Variants in HOMER1 observed in about 807,000 individuals in gnomAD.
The protein encoded by HOMER1 is homer protein homolog 1.
HOMER1 carries 3 observed loss-of-function variants against 48.9 expected under a neutral mutation model. That is an observed-to-expected ratio of 0.06 (90% CI 0.03 to 0.16). The LOEUF is 0.16. HOMER1 is among the 10% of genes least tolerant of loss of function. HOMER1 has a pLI of 1.00. For synonymous variants in HOMER1, 134 were observed against 146.4 expected (o/e 0.92, Z 0.61); for missense variants, 247 against 411.4 (o/e 0.60, Z 3.46).
intron 2 of HOMER1, among the ~76,000 whole-genome samples, chr5:79,452,902 A>C (rs192347506): frequency 2.9e-3 from 446 of 152,344 alleles, no homozygotes; most frequent in Non-Finnish European, 4.2e-3. Flanking sequence ...TAACTGCTCT[A>C]ACTTGAATGG....
At chr5:79,436,065 G>T (rs1750573148) in intron 5 of HOMER1, among the ~76,000 whole-genome samples, 1 of 151,220 alleles carries the variant, frequency 6.6e-6, no homozygotes, top group Non-Finnish European at 1.5e-5. Context: ...AGCGGAGCTT[G>T]CAGTGAGCCG....
chr5:79,475,476 G>A (rs926220233), intron 1 of HOMER1, among the ~76,000 whole-genome samples: 1 of 145,804 alleles, frequency 6.9e-6, no homozygotes, highest in African/African-American at 2.6e-5. Flanking sequence ...ATCCAGGTGA[G>A]AAGAACAGCA....
In HOMER1 at chr5:79,503,532, GA is replaced by G. The variant is rs1458637805; in HGVS notation, c.5+9237del. On this transcript the variant is annotated intron_variant, in intron 1 of 8. Transcript: ENST00000334082. ...TGACAGAGTGAGACTCTGTCACAAA[GA>G]GAAAAAAAAAAAAAAAAAAAACAGA... 1.5e-3 allele frequency among the ~76,000 whole-genome samples: 138 copies of G among 94,026 alleles called. 1 individual carries two copies. Among genetic ancestry groups the G allele is most frequent in the Non-Finnish European group, 2.3e-3 (103 of 44,756 alleles). The allele number at this position is 94,026 out of a possible 152,430, so 61.7% of individuals were successfully genotyped here.
At chr5:79,401,053 T>C (rs1037499764) in intron 6 of HOMER1, among the ~76,000 whole-genome samples, 1 of 151,624 alleles carries the variant, frequency 6.6e-6, no homozygotes, top group African/African-American at 2.4e-5. Context: ...GCTTCTGATA[T>C]TAATGGTATT....
intron 2 of HOMER1, among the ~76,000 whole-genome samples, chr5:79,455,452 CCT>C (rs917312835): frequency 2.0e-5 from 3 of 152,158 alleles, no homozygotes; most frequent in Non-Finnish European, 4.4e-5. Flanking sequence ...TGGCATTTCC[CCT>C]GCTTGCTCTC....
intron 8 of HOMER1, among the ~76,000 whole-genome samples, chr5:79,394,940 A>G (rs1405661909): frequency 6.6e-6 from 1 of 152,228 alleles, no homozygotes; most frequent in African/African-American, 2.4e-5. Flanking sequence ...TCTCTTCATA[A>G]GTGAGACAAT....
At chr5:79,427,682 CTT>C in intron 5 of HOMER1, among the ~76,000 whole-genome samples, 1 of 97,092 alleles carries the variant, frequency 1.0e-5, no homozygotes, top group African/African-American at 5.2e-5. Context: ...CCCTTCCTTC[CTT>C]CCCTTCCTTC....
chr5:79,419,583 T>G, intron 5 of HOMER1, among the ~76,000 whole-genome samples: 1 of 151,802 alleles, frequency 6.6e-6, no homozygotes, highest in East Asian at 1.9e-4. Context: ...GAAAACATAC[T>G]AAAGCCTTAG....
chr5:79,479,532 A>G (rs892235547), intron 1 of HOMER1, among the ~76,000 whole-genome samples: 2 of 152,190 alleles, frequency 1.3e-5, no homozygotes, highest in African/African-American at 2.4e-5. Flanking sequence ...GCCATGAACC[A>G]GGAATGCAGT....
chr5:79,507,063 A>C (rs1752793755), intron 1 of HOMER1, among the ~76,000 whole-genome samples: 1 of 151,656 alleles, frequency 6.6e-6, no homozygotes, highest in Non-Finnish European at 1.5e-5. Context: ...AAATGCAAAA[A>C]TTAGCCAGGT....
intron 1 of HOMER1, among the ~76,000 whole-genome samples, chr5:79,462,201 A>AAAAC (rs766716429): frequency 2.6e-4 from 40 of 152,312 alleles, no homozygotes; most frequent in African/African-American, 8.9e-4. Context: ...CTCCATCTCA[A>AAAAC]AAACAAACAA....
chr5:79,491,002 A>T (rs1365582442), intron 1 of HOMER1, among the ~76,000 whole-genome samples: 4 of 148,788 alleles, frequency 2.7e-5, no homozygotes, highest in African/African-American at 9.8e-5. Context: ...AGGAAAAAAA[A>T]TTAAGTGGAT....
At position 79,376,102 on chromosome 5, in the gene HOMER1, A is replaced by G. The variant is rs1748764694; in HGVS notation, c.972T>C (p.Asn324=). ...GAATTTCTAAGAGTGTCTTCAGGTTATTGCGAAAAGCTTCTTGTTCATTCT... is the reference window on the plus strand; with the variant it reads ...GAATTTCTAAGAGTGTCTTCAGGTTGTTGCGAAAAGCTTCTTGTTCATTCT... ...KSQNEQEAFR[N]NLKTLLEILD... The change falls in exon 9 of 9, where the codon AAT becomes AAC. Residue 324 remains asparagine (N), a synonymous_variant. Transcript: ENST00000334082. The G allele has an allele frequency of 6.2e-7, 1 of 1,613,652 alleles. No homozygotes were observed. Among genetic ancestry groups the G allele is most frequent in the Non-Finnish European group, 8.5e-7 (1 of 1,179,688 alleles).
chr5:79,415,383 T>C (rs1749916277), intron 5 of HOMER1, among the ~76,000 whole-genome samples: 1 of 152,168 alleles, frequency 6.6e-6, no homozygotes, highest in South Asian at 2.1e-4. Context: ...ATCACCAATG[T>C]TACTGATAGC....
At chr5:79,467,533 T>C (rs908910442) in intron 1 of HOMER1, among the ~76,000 whole-genome samples, 1 of 152,098 alleles carries the variant, frequency 6.6e-6, no homozygotes, top group African/African-American at 2.4e-5. Context: ...TCAGTCCATA[T>C]AATATCTAAA....
At position 79,481,721 on chromosome 5, in the gene HOMER1, C is replaced by G. The variant is rs566521396; in HGVS notation, c.6-24703G>C. Among the ~76,000 whole-genome samples, 60 of 152,252 alleles carry G rather than the reference C, an allele frequency of 3.9e-4. 1 individual carries two copies. In the South Asian group the frequency reaches 0.012, roughly 31 times the overall value. On this transcript the variant is annotated intron_variant, in intron 1 of 8. Transcript: ENST00000334082. ...GACTCACATAAAACCAGAAACAGTT[C>G]ATGTTCATTCAGCCAGAAGGGAGAG...
intron 5 of HOMER1, among the ~76,000 whole-genome samples, chr5:79,430,123 T>G (rs1347221624): frequency 6.6e-6 from 1 of 151,370 alleles, no homozygotes; most frequent in Non-Finnish European, 1.5e-5. Flanking sequence ...AAAAATCAAT[T>G]ATCTGGTAGG....
At chr5:79,430,589 T>C (rs192860100) in intron 5 of HOMER1, among the ~76,000 whole-genome samples, 3 of 152,334 alleles carry the variant, frequency 2.0e-5, no homozygotes, top group Admixed American at 6.5e-5. Flanking sequence ...ATTCATAATA[T>C]TGGAACTTTC....
intron 1 of HOMER1, among the ~76,000 whole-genome samples, chr5:79,506,134 G>A (rs1051690756): frequency 6.6e-5 from 10 of 151,392 alleles, no homozygotes; most frequent in African/African-American, 1.9e-4. Context: ...ATTTTTTTGA[G>A]ATGGAGTTTC....
Sources: gnomAD v4.1 joint callset for allele counts (sites outside exome capture counted in the v4.1 genomes callset) on GRCh38, gnomAD v4.1.1 for gene constraint, MANE v1.5 for transcripts, NCBI Gene and HGNC (gene_info 2026-07-23, HGNC 2026-07-21) for gene names.